The following MIPOL1 variants were observed in gnomAD, a reference collection of about 807,000 sequenced individuals.
MIPOL1 encodes mirror-image polydactyly gene 1 protein.
MIPOL1 carries 57 observed loss-of-function variants against 60.9 expected under a neutral mutation model. The ratio of observed to expected loss-of-function variants is 0.94; its 90% CI spans 0.76 to 1.17. The LOEUF is 1.17. MIPOL1 is among the 50% of genes most tolerant of loss of function. The pLI, the probability that MIPOL1 is intolerant of heterozygous loss-of-function variation, is 0.00. For synonymous variants in MIPOL1, 179 were observed against 168.8 expected, an observed-to-expected ratio of 1.06 and a Z score of -0.47; for missense variants, 551 against 511.6, an observed-to-expected ratio of 1.08 and a Z score of -0.74.
chr14:37,406,387 G>GAAC (rs1213065569), intron 10 of MIPOL1, among the ~76,000 whole-genome samples: 1 of 152,040 alleles, frequency 6.6e-6, no homozygotes, highest in Non-Finnish European at 1.5e-5. Flanking sequence ...AAACATACAC[G>GAAC]ATCCTGAACA....
chr14:37,254,636 A>T (rs1024348040), intron 3 of MIPOL1, among the ~76,000 whole-genome samples: 2 of 151,706 alleles, frequency 1.3e-5, no homozygotes, highest in Non-Finnish European at 3.0e-5. Flanking sequence ...AATTCTTAGT[A>T]GGGGGAAAAT....
intron 11 of MIPOL1, among the ~76,000 whole-genome samples, chr14:37,434,138 C>A (rs181257622): frequency 3.3e-5 from 5 of 152,278 alleles, no homozygotes; most frequent in African/African-American, 4.8e-5. Context: ...AACTAATTTA[C>A]ACTCCCACCA....
intron 9 of MIPOL1, among the ~76,000 whole-genome samples, chr14:37,346,172 T>C (rs1037796431): frequency 1.1e-4 from 17 of 151,928 alleles, no homozygotes; most frequent in Admixed American, 8.5e-4. Flanking sequence ...TCTACAAAAA[T>C]ACAAAGATTA....
chr14:37,500,623 G>C (rs1445185462), intron 12 of MIPOL1, among the ~76,000 whole-genome samples: 1 of 152,126 alleles, frequency 6.6e-6, no homozygotes, highest in African/African-American at 2.4e-5. Context: ...TTTTCACAGT[G>C]CATAATTATA....
intron 9 of MIPOL1, among the ~76,000 whole-genome samples, chr14:37,351,317 A>G (rs1289517960): frequency 7.0e-6 from 1 of 142,930 alleles, no homozygotes; most frequent in African/African-American, 2.6e-5. Context: ...ATTGTTGGAC[A>G]TTTGGGTTGG....
chr14:37,434,162 A>C (rs2094124472), intron 11 of MIPOL1, among the ~76,000 whole-genome samples: 1 of 152,104 alleles, frequency 6.6e-6, no homozygotes, highest in South Asian at 2.1e-4. Flanking sequence ...GTGTAAAAGC[A>C]TTCCTATGTC....
At position 37,416,347 on chromosome 14, in the gene MIPOL1, C is replaced by A. The variant is rs555703954; in HGVS notation, c.937-6508C>A. ...TCATGTATCACTTACAGTGGGGATA[C>A]ATTTTGAGAAATGTATCCTTAGGTG... On this transcript the variant is annotated intron_variant, in intron 10 of 12. Transcript: ENST00000684589. Among the ~76,000 whole-genome samples, 4 of 152,166 alleles carry A rather than the reference C, an allele frequency of 2.6e-5. No individual in the cohort carries two copies. In the East Asian group the frequency reaches 7.8e-4, roughly 30 times the overall value.
chr14:37,334,705 AATCT>A (rs1211027071), intron 9 of MIPOL1, among the ~76,000 whole-genome samples: 2 of 151,950 alleles, frequency 1.3e-5, no homozygotes, highest in Non-Finnish European at 2.9e-5. Context: ...AGCAACCAAT[AATCT>A]ATCTGTCTAT....
intron 11 of MIPOL1, among the ~76,000 whole-genome samples, chr14:37,491,275 T>C (rs1313991330): frequency 6.6e-6 from 1 of 152,190 alleles, no homozygotes; most frequent in Non-Finnish European, 1.5e-5. Context: ...AGGCCTGTAA[T>C]CCCAGCACTT....
chr14:37,479,746 C>G (rs1002551518), intron 11 of MIPOL1, among the ~76,000 whole-genome samples: 2 of 151,892 alleles, frequency 1.3e-5, no homozygotes, highest in African/African-American at 4.8e-5. Context: ...ATCAATGAAA[C>G]TAAGAATTGG....
chr14:37,212,796 C>T (rs1442150747), intron 1 of MIPOL1, among the ~76,000 whole-genome samples: 1 of 152,138 alleles, frequency 6.6e-6, no homozygotes, highest in Non-Finnish European at 1.5e-5. Context: ...AGGTCAGACC[C>T]TACATAGTCA....
intron 7 of MIPOL1, among the ~76,000 whole-genome samples, chr14:37,303,206 A>G (rs775721222): frequency 5.3e-5 from 8 of 151,960 alleles, no homozygotes; most frequent in Admixed American, 1.3e-4. Flanking sequence ...TTATAGATGA[A>G]AGAAGCTTAG....
At chr14:37,201,975 G>C (rs150667517) in intron 1 of MIPOL1, among the ~76,000 whole-genome samples, 61 of 152,226 alleles carry the variant, frequency 4.0e-4, no homozygotes, top group Non-Finnish European at 8.4e-4. Flanking sequence ...TAGGACTGCA[G>C]GTGCTCAACA....
At position 37,535,170 on chromosome 14, in the gene MIPOL1, ATGAT is replaced by A. The variant is rs201001694; in HGVS notation, c.1263-11728_1263-11725del. ...TTCACCTTAGTAGGTATTAATTGAT[ATGAT>A]TGATTGGTGAGCTTCATTTTTCAAG... is the stretch of plus-strand genomic sequence containing the variant. On this transcript the variant is annotated intron_variant, in intron 12 of 12. Coordinates refer to ENST00000684589, the MANE Select transcript of MIPOL1 (RefSeq NM_001388067.1). Among the ~76,000 whole-genome samples, 4 of 152,164 alleles carry A rather than the reference ATGAT, an allele frequency of 2.6e-5. No homozygotes were observed. The East Asian group carries it at 7.7e-4, about 29-fold the overall frequency.
intron 12 of MIPOL1, among the ~76,000 whole-genome samples, chr14:37,543,173 T>C (rs1236990688): frequency 1.3e-5 from 2 of 152,252 alleles, no homozygotes; most frequent in African/African-American, 2.4e-5. Flanking sequence ...TCCCATATCC[T>C]AAATATCTTT....
chr14:37,357,275 T>C (rs1029385160), intron 9 of MIPOL1, among the ~76,000 whole-genome samples: 10 of 152,332 alleles, frequency 6.6e-5, no homozygotes, highest in African/African-American at 1.9e-4. Context: ...CTTCACTTTG[T>C]TGATTGTTTC....
At chr14:37,331,383 C>T (rs1266897146) in intron 9 of MIPOL1, among the ~76,000 whole-genome samples, 1 of 151,956 alleles carries the variant, frequency 6.6e-6, no homozygotes, top group Non-Finnish European at 1.5e-5. Flanking sequence ...TCATTCAATC[C>T]ATGAACATGG....
At chr14:37,258,099 A>G (rs978690038) in intron 3 of MIPOL1, among the ~76,000 whole-genome samples, 1 of 152,146 alleles carries the variant, frequency 6.6e-6, no homozygotes, top group Non-Finnish European at 1.5e-5. Flanking sequence ...AAACACAATC[A>G]TCCATCCATT....
chr14:37,452,419 T>C (rs1335898275), intron 11 of MIPOL1, among the ~76,000 whole-genome samples: 1 of 152,206 alleles, frequency 6.6e-6, no homozygotes, highest in Non-Finnish European at 1.5e-5. Flanking sequence ...TTCTGAGTAA[T>C]GCTTTGATTT....
Sources: gnomAD v4.1 joint callset for allele counts (sites outside exome capture counted in the v4.1 genomes callset) on GRCh38, gnomAD v4.1.1 for gene constraint, MANE v1.5 for transcripts, NCBI Gene and HGNC (gene_info 2026-07-23, HGNC 2026-07-21) for gene names.